DDR2: variants seen among roughly 807,000 people sequenced by gnomAD.
DDR2 encodes discoidin domain-containing receptor 2.
In DDR2, 27 loss-of-function variants were observed where a neutral mutation model predicts 94.9. The ratio of observed to expected loss-of-function variants is 0.28; its 90% CI spans 0.21 to 0.39. DDR2 has a LOEUF of 0.39. DDR2 is among the 10% of genes least tolerant of loss of function. The pLI, the probability that DDR2 is intolerant of heterozygous loss-of-function variation, is 1.00. For synonymous variants in DDR2, 382 were observed against 377.2 expected (o/e 1.01, Z -0.15); for missense variants, 783 against 1,076.0 (o/e 0.73, Z 3.81).
chr1:162,767,743 A>G (rs1664069554), intron 11 of DDR2, among the ~76,000 whole-genome samples: 1 of 152,050 alleles, frequency 6.6e-6, no homozygotes, highest in South Asian at 2.1e-4. Flanking sequence ...CCTAATGCCA[A>G]GCTGAAATTT....
chr1:162,752,207 G>A (rs1013168055), intron 3 of DDR2, among the ~76,000 whole-genome samples: 1 of 151,742 alleles, frequency 6.6e-6, no homozygotes, highest in African/African-American at 2.4e-5. Flanking sequence ...AATTTAACTA[G>A]GTATACTCTA....
rs1485810583 is a variant in DDR2 at position 162,767,086 on chromosome 1, G to A, written c.1163-143G>A. 7.6e-6 allele frequency: 9 copies of A among 1,185,298 alleles called. No homozygotes were observed. In the African/African-American group the frequency reaches 1.2e-4, roughly 16 times the overall value. 73.4% of individuals were successfully genotyped at this position (1,185,298 alleles called of 1,614,324 possible). ...GAAAACAAAACAGTAGCAAGAGCAA[G>A]AATAAGCAGAAGTATTAAGGTGGCA... On this transcript the variant is annotated intron_variant, in intron 10 of 17. Transcript: ENST00000367921.
At chr1:162,755,954 G>A (rs139998518) in intron 7 of DDR2, among the ~76,000 whole-genome samples, 185 bp downstream of exon 7, 55 of 152,256 alleles carry the variant, frequency 3.6e-4, no homozygotes, top group Admixed American at 1.3e-3. Flanking sequence ...CTTAAAGCCC[G>A]GTTTGGGAAG....
chr1:162,648,417 A>G (rs1326657637), intron 1 of DDR2, among the ~76,000 whole-genome samples: 1 of 152,128 alleles, frequency 6.6e-6, no homozygotes, highest in East Asian at 1.9e-4. Context: ...AGCATGGGGA[A>G]ATAACATTGC....
At chr1:162,735,645 C>T (rs1662262481) in intron 3 of DDR2, among the ~76,000 whole-genome samples, 2 of 152,170 alleles carry the variant, frequency 1.3e-5, no homozygotes, top group Admixed American at 1.3e-4. Context: ...ACTCCTTTGA[C>T]ACCACATAGC....
chr1:162,741,215 A>ATAAT (rs1662583295), intron 3 of DDR2, among the ~76,000 whole-genome samples: 2 of 124,412 alleles, frequency 1.6e-5, no homozygotes, highest in Admixed American at 1.7e-4. Flanking sequence ...AATACAATAT[A>ATAAT]ATATAATATA....
At chr1:162,642,453 T>G (rs927787417) in intron 1 of DDR2, among the ~76,000 whole-genome samples, 1 of 151,288 alleles carries the variant, frequency 6.6e-6, no homozygotes, top group African/African-American at 2.4e-5. Flanking sequence ...TCTGTGTTTT[T>G]TTTTTTTTTT....
At chr1:162,668,532 A>G (rs1366384074) in intron 2 of DDR2, among the ~76,000 whole-genome samples, 1 of 152,170 alleles carries the variant, frequency 6.6e-6, no homozygotes, top group Non-Finnish European at 1.5e-5. Context: ...CTAGAGAAGC[A>G]TCTTTCTTTG....
intron 2 of DDR2, among the ~76,000 whole-genome samples, chr1:162,672,994 A>G (rs1030936284): frequency 6.6e-6 from 1 of 151,996 alleles, no homozygotes; most frequent in Non-Finnish European, 1.5e-5. Context: ...TATAATTAAG[A>G]TTTTTCCTGA....
intron 11 of DDR2, 152 bp downstream of exon 11, chr1:162,767,511 G>C: frequency 8.1e-7 from 1 of 1,229,688 alleles, no homozygotes; most frequent in Non-Finnish European, 1.1e-6. Flanking sequence ...AGCCAGAATA[G>C]AATTAGCTAA....
intron 3 of DDR2, among the ~76,000 whole-genome samples, chr1:162,722,717 G>A (rs568751866): frequency 2.0e-5 from 3 of 152,200 alleles, no homozygotes; most frequent in Admixed American, 6.5e-5. Context: ...TAAATTAATT[G>A]TGTGACAGTG....
intron 1 of DDR2, among the ~76,000 whole-genome samples, chr1:162,654,039 G>A (rs1037494200): frequency 6.6e-6 from 1 of 152,196 alleles, no homozygotes; most frequent in Non-Finnish European, 1.5e-5. Flanking sequence ...CAGAGGAAAG[G>A]AAAGAGGTAA....
intron 1 of DDR2, among the ~76,000 whole-genome samples, chr1:162,654,960 A>C (rs1038876641): frequency 6.6e-6 from 1 of 152,232 alleles, no homozygotes; most frequent in African/African-American, 2.4e-5. Flanking sequence ...TTATTCAACA[A>C]AATTACTATT....
chr1:162,675,164 A>T (rs376080166), intron 2 of DDR2, among the ~76,000 whole-genome samples: 8 of 152,306 alleles, frequency 5.3e-5, no homozygotes, highest in East Asian at 3.9e-4. Context: ...TCTCAAAAAA[A>T]AAAAGTAGAG....
At chr1:162,758,706 G>A (rs1263326524) in intron 7 of DDR2, among the ~76,000 whole-genome samples, 1 of 152,118 alleles carries the variant, frequency 6.6e-6, no homozygotes, top group Non-Finnish European at 1.5e-5. Context: ...ATTTTAAAAG[G>A]CTGGCATAAT....
At chr1:162,686,709 T>G (rs562550000) in intron 2 of DDR2, among the ~76,000 whole-genome samples, 2 of 152,230 alleles carry the variant, frequency 1.3e-5, no homozygotes, top group East Asian at 3.9e-4. Flanking sequence ...GTAGAATGAT[T>G]TATAATCCTT....
intron 2 of DDR2, among the ~76,000 whole-genome samples, chr1:162,715,896 GC>G (rs1228587006): frequency 6.6e-6 from 1 of 152,182 alleles, no homozygotes; most frequent in Admixed American, 6.5e-5. Context: ...AATAATTATT[GC>G]TTTTGGAGAT....
At chr1:162,645,815 A>T (rs943393032) in intron 1 of DDR2, among the ~76,000 whole-genome samples, 4 of 152,176 alleles carry the variant, frequency 2.6e-5, no homozygotes, top group Non-Finnish European at 5.9e-5. Flanking sequence ...TCACTTGAAG[A>T]TAGGGTTAGC....
At chr1:162,727,764 A>C (rs567696826) in intron 3 of DDR2, among the ~76,000 whole-genome samples, 227 of 147,482 alleles carry the variant, frequency 1.5e-3, no homozygotes, top group Non-Finnish European at 2.6e-3. Context: ...AAGTTGCATA[A>C]ATTTTTTTAA....
Sources: allele counts gnomAD v4.1 joint callset (sites outside exome capture counted in the v4.1 genomes callset), GRCh38; gene constraint gnomAD v4.1.1; transcripts MANE v1.5; gene names NCBI Gene and HGNC (gene_info 2026-07-23, HGNC 2026-07-21).